Variants in GSE1 observed in about 807,000 individuals in gnomAD.
GSE1 encodes the protein Gse1 coiled-coil protein.
In GSE1, 32 loss-of-function variants were observed where a neutral mutation model predicts 112.6. That is an observed-to-expected ratio of 0.28 (90% CI 0.21 to 0.38). The LOEUF (loss-of-function observed/expected upper bound fraction) is 0.38, where lower values mean the gene tolerates loss of function less well. Ranked by LOEUF, GSE1 falls within the 10% of genes least tolerant of loss-of-function variation. The pLI, the probability that GSE1 is intolerant of heterozygous loss-of-function variation, is 1.00. For synonymous variants in GSE1, 1,115 were observed against 735.6 expected (o/e 1.52, Z -8.35); for missense variants, 2,348 against 1,699.2 (o/e 1.38, Z -6.71).
Position 85,663,521 on chromosome 16 carries a change from C to G in GSE1, c.2551C>G (p.Pro851Ala), listed in dbSNP as rs148478773. ...ACTGGCGCTGTCTACCCGCTACAGCCCTGATGAGATGAACAACAGTCCCAA... is the reference window on the plus strand; with the variant it reads ...ACTGGCGCTGTCTACCCGCTACAGCGCTGATGAGATGAACAACAGTCCCAA... ...PRLALSTRYS[P>A]DEMNNSPNFE... The change falls in exon 11 of 16, where the codon CCT becomes GCT. Residue 851 changes from proline to alanine, a missense_variant. Pro to Ala is a conservative substitution (Grantham distance 27). Transcript: ENST00000253458. 1.9e-6 allele frequency: 3 copies of G among 1,613,874 alleles called. No homozygotes were observed. Among genetic ancestry groups the G allele is most frequent in the Non-Finnish European group, 2.5e-6 (3 of 1,180,002 alleles).
At chr16:85,241,167 G>C (rs954630227) in intron 1 of GSE1, among the ~76,000 whole-genome samples, 9 of 100,660 alleles carry the variant, frequency 8.9e-5, no homozygotes, top group African/African-American at 2.2e-4. Flanking sequence ...CCTTGGGCTC[G>C]GCTGCGTGAC....
Position 85,309,218 on chromosome 16 carries a change from G to A in GSE1, c.2284-48245G>A, listed in dbSNP as rs375595892. On this transcript the variant is annotated intron_variant, in intron 1 of 2. Coordinates refer to the GSE1 transcript ENST00000637419. Reference sequence around the variant, plus strand: ...TAGCCTCATTTAAAAAGTAAAAAGAGGCCAGGTGCCATGGCTCACACCTGT... The same window carrying A: ...TAGCCTCATTTAAAAAGTAAAAAGAAGCCAGGTGCCATGGCTCACACCTGT... Among the ~76,000 whole-genome samples, 164 of 152,174 alleles carry A rather than the reference G, an allele frequency of 1.1e-3. 3 individuals carry two copies. In the East Asian group the frequency reaches 0.022, roughly 20 times the overall value.
chr16:85,437,538 CCCT>C (rs2049278170), intron 2 of GSE1, among the ~76,000 whole-genome samples: 1 of 151,934 alleles, frequency 6.6e-6, no homozygotes, highest in South Asian at 2.1e-4. Flanking sequence ...GTTTGCACAG[CCCT>C]GCGGGTTCTA....
intron 1 of GSE1, among the ~76,000 whole-genome samples, chr16:85,182,423 G>C (rs1029255408): frequency 6.6e-6 from 1 of 152,228 alleles, no homozygotes; most frequent in African/African-American, 2.4e-5. Flanking sequence ...ACCCAGACAA[G>C]GTGTCACTCC....
intron 1 of GSE1, among the ~76,000 whole-genome samples, chr16:85,250,070 C>T (rs1024273054): frequency 6.6e-6 from 1 of 152,232 alleles, no homozygotes; most frequent in South Asian, 2.1e-4. Context: ...TGCTGCAGCT[C>T]CTGCGGTGTT....
chr16:85,553,494 C>G (rs551146921), upstream of GSE1, among the ~76,000 whole-genome samples: 5 of 151,678 alleles, frequency 3.3e-5, no homozygotes. Flanking sequence ...AGCTCTGGCG[C>G]CCTCCCCTGC....
At chr16:85,356,000 C>A (rs1023287105) in intron 1 of GSE1, among the ~76,000 whole-genome samples, 4 of 152,096 alleles carry the variant, frequency 2.6e-5, no homozygotes, top group African/African-American at 9.7e-5. Context: ...GCACTCCAGC[C>A]TGGGTGACAG....
At chr16:85,480,771 C>A (rs1008896345) in intron 2 of GSE1, among the ~76,000 whole-genome samples, 2 of 152,186 alleles carry the variant, frequency 1.3e-5, no homozygotes, top group Non-Finnish European at 2.9e-5. Context: ...GTCCAGGGCC[C>A]CCATCCCCAC....
intron 1 of GSE1, among the ~76,000 whole-genome samples, chr16:85,351,169 G>A (rs1043098254): frequency 1.3e-5 from 2 of 152,174 alleles, no homozygotes; most frequent in Non-Finnish European, 2.9e-5. Context: ...AGAGGAGGCC[G>A]GGAGATGGAA....
intron 1 of GSE1, among the ~76,000 whole-genome samples, chr16:85,274,033 G>C (rs4494525): frequency 0.72 from 108,393 of 149,884 alleles, 40,112 homozygotes; most frequent in African/African-American, 0.89. Context: ...AGTTCTGGAA[G>C]TAGATAGAGG....
At chr16:85,482,172 A>G (rs968633019) in intron 2 of GSE1, among the ~76,000 whole-genome samples, 1 of 152,216 alleles carries the variant, frequency 6.6e-6, no homozygotes, top group Non-Finnish European at 1.5e-5. Context: ...GGTGATGCCC[A>G]GTGCTGTCGG....
At position 85,373,620 on chromosome 16, in the gene GSE1, G is replaced by A. The variant is rs974798954; in HGVS notation, c.2464+15977G>A. Among the ~76,000 whole-genome samples, 4 of 152,170 alleles carry A rather than the reference G, an allele frequency of 2.6e-5. No homozygotes were observed. The highest frequency in any genetic ancestry group is 6.5e-5 in the Admixed American group (1 of 15,284). The stretch of plus-strand genomic sequence containing the variant: ...TCCTCCCAGCCTGGAGTGAGTGTCT[G>A]GGAGGGCCACAGGTATGCTGGCCAC... On this transcript the variant is annotated intron_variant, in intron 2 of 2. Transcript: ENST00000637419. This position sits in a 1 kb window ranked among gnomAD's most constrained non-coding sequence, Gnocchi z 5.1.
At chr16:85,294,563 G>A (rs2045307721) in intron 1 of GSE1, among the ~76,000 whole-genome samples, 2 of 151,352 alleles carry the variant, frequency 1.3e-5, no homozygotes, top group South Asian at 4.2e-4. Context: ...GAATTTCAGG[G>A]TTACAGGCTG....
rs375801747 is a variant in GSE1, at chr16:85,661,693, C to T, written c.2188C>T (p.Leu730=). ...PDPAYIYDEF[L]QQRRRLVSKL... ...CCCTGCCTACATCTATGATGAGTTC[C>T]TGCAGCAGCGCCGGAGGCTGGTCAG... The change falls in exon 9 of 16, where the codon CTG becomes TTG. Residue 730 remains leucine (L), a synonymous_variant. Coordinates refer to ENST00000253458, the MANE Select transcript of GSE1 (RefSeq NM_014615.5). 11 of 1,606,828 alleles carry T rather than the reference C, an allele frequency of 6.8e-6. No homozygotes were observed. The African/African-American group carries it at 9.4e-5, about 14-fold the overall frequency.
rs1192238894 is a variant in GSE1 at position 85,634,111 on chromosome 16, A to G, written c.205A>G (p.Lys69Glu). The G allele has an allele frequency of 1.3e-6, 2 of 1,556,166 alleles. No homozygotes were observed. Among genetic ancestry groups the G allele is most frequent in the South Asian group, 1.2e-5 (1 of 84,436 alleles). The change falls in exon 2 of 16, where the codon AAA (lysine) becomes GAA (glutamate). Residue 69 changes from lysine to glutamate, a missense_variant. Physicochemically the swap from Lys to Glu is moderately conservative, Grantham distance 56. Transcript: ENST00000253458. ...TGCCGCCGCGCTGCGCAAGCTCGCC[A>G]AACAGGCGGAGGAGCCCAGAGGTAA... Reference protein sequence around the residue: ...SFAAALRKLAKQAEEPRGSSL... With the variant: ...SFAAALRKLAEQAEEPRGSSL...
chr16:85,502,553 TGAGCCAAGGCCTC>T, intron 2 of GSE1, among the ~76,000 whole-genome samples: 1 of 152,242 alleles, frequency 6.6e-6, no homozygotes, highest in Non-Finnish European at 1.5e-5. Flanking sequence ...GGGCCAGGCC[TGAGCCAAGGCCTC>T]CACCTGGTGG....
intron 1 of GSE1, among the ~76,000 whole-genome samples, chr16:85,560,408 C>T (rs546634486): frequency 6.6e-6 from 1 of 152,104 alleles, no homozygotes; most frequent in Admixed American, 6.6e-5. Context: ...CAGGTGTGAG[C>T]CACCGCACCT....
intron 1 of GSE1, among the ~76,000 whole-genome samples, chr16:85,249,954 G>A (rs1906283959): frequency 1.3e-5 from 2 of 152,230 alleles, no homozygotes; most frequent in Non-Finnish European, 1.5e-5. Context: ...TCCATGCCTC[G>A]GTTTCCTTGT....
At chr16:85,628,272 A>G (rs1401208893) in intron 1 of GSE1, among the ~76,000 whole-genome samples, 4 of 152,240 alleles carry the variant, frequency 2.6e-5, no homozygotes, top group African/African-American at 9.6e-5. Flanking sequence ...GTGACCTGAC[A>G]TCAGCAGAGC....
Sources: allele counts gnomAD v4.1 joint callset (sites outside exome capture counted in the v4.1 genomes callset), GRCh38; gene constraint gnomAD v4.1.1; non-coding constraint Gnocchi (gnomAD v3.1); transcripts MANE v1.5; gene names NCBI Gene and HGNC (gene_info 2026-07-23, HGNC 2026-07-21).